Variants in LRBA observed in about 807,000 individuals in gnomAD.
LRBA encodes the protein LPS responsive beige-like anchor protein.
A neutral mutation model predicts 330.0 loss-of-function variants in LRBA; 176 were observed. The ratio of observed to expected loss-of-function variants is 0.53; its 90% CI spans 0.47 to 0.60. LRBA has a LOEUF of 0.60. LRBA is among the 20% of genes least tolerant of loss of function. The pLI, the probability that LRBA is intolerant of heterozygous loss-of-function variation, is 0.00. For missense variants in LRBA, 3,259 were observed against 3,444.8 expected (o/e 0.95, Z 1.35); for synonymous variants, 1,230 against 1,193.0 (o/e 1.03, Z -0.64).
At position 150,830,818 on chromosome 4, in the gene LRBA, T is replaced by C. The variant is rs576883613; in HGVS notation, c.4729+999A>G. 2.0e-5 allele frequency among the ~76,000 whole-genome samples: 3 copies of C among 150,660 alleles called. No individual in the cohort carries two copies. In the East Asian group the frequency reaches 5.8e-4, roughly 29 times the overall value. Reference sequence around the variant, plus strand: ...CACTCTGTCACCCAGGCTGGAGTTGTTGTGGTGGGATCTCTGCTCACTGCA... The same window carrying C: ...CACTCTGTCACCCAGGCTGGAGTTGCTGTGGTGGGATCTCTGCTCACTGCA... On this transcript the variant is annotated intron_variant, in intron 29 of 56. Coordinates refer to ENST00000651943, the MANE Select transcript of LRBA (RefSeq NM_001364905.1).
At chr4:150,602,549 TACTCTCAGTATA>T (rs1774226173) in intron 37 of LRBA, among the ~76,000 whole-genome samples, 2 of 152,250 alleles carry the variant, frequency 1.3e-5, no homozygotes, top group South Asian at 4.2e-4. Flanking sequence ...CAACAACACA[TACTCTCAGTATA>T]ACGCTCTACC....
intron 35 of LRBA, among the ~76,000 whole-genome samples, chr4:150,753,379 C>G (rs181613340): frequency 6.6e-6 from 1 of 152,144 alleles, no homozygotes; most frequent in South Asian, 2.1e-4. Context: ...AAGTGAATGA[C>G]GCTATTTTCA....
At chr4:150,306,271 GAGA>G (rs941615028) in intron 52 of LRBA, among the ~76,000 whole-genome samples, 3 of 151,870 alleles carry the variant, frequency 2.0e-5, no homozygotes, top group African/African-American at 7.3e-5. Flanking sequence ...AATCTAATAA[GAGA>G]AGGATTTTTT....
chr4:150,628,463 T>C (rs192257630), intron 37 of LRBA, among the ~76,000 whole-genome samples: 11 of 152,330 alleles, frequency 7.2e-5, no homozygotes, highest in Admixed American at 4.6e-4. Flanking sequence ...TCACGAATAA[T>C]GAGTTTTAAA....
intron 26 of LRBA, among the ~76,000 whole-genome samples, chr4:150,845,565 A>G (rs1413450620): frequency 1.3e-5 from 2 of 152,204 alleles, no homozygotes. Context: ...CACTCAAGGT[A>G]CTTGAACTGA....
At chr4:150,791,173 C>T (rs1739854327) in intron 34 of LRBA, among the ~76,000 whole-genome samples, 1 of 152,200 alleles carries the variant, frequency 6.6e-6, no homozygotes, top group Non-Finnish European at 1.5e-5. Flanking sequence ...AGGCTGGTCT[C>T]AAACTCCTGG....
chr4:150,526,426 A>C (rs1763482649), intron 40 of LRBA, among the ~76,000 whole-genome samples: 1 of 152,172 alleles, frequency 6.6e-6, no homozygotes, highest in Non-Finnish European at 1.5e-5. Context: ...GCTCATTTGC[A>C]GTTACAGATT....
At chr4:150,765,204 T>A (rs533843411) in intron 34 of LRBA, among the ~76,000 whole-genome samples, 1 of 152,030 alleles carries the variant, frequency 6.6e-6, no homozygotes, top group Non-Finnish European at 1.5e-5. Context: ...CTATATGACA[T>A]TTTGGAAAAG....
intron 37 of LRBA, among the ~76,000 whole-genome samples, chr4:150,672,142 T>C (rs1034218412): frequency 6.6e-6 from 1 of 152,178 alleles, no homozygotes; most frequent in African/African-American, 2.4e-5. Context: ...TTGACCATAT[T>C]AGGATAAAAT....
chr4:150,406,156 T>C (rs1189883003), intron 47 of LRBA, among the ~76,000 whole-genome samples: 1 of 151,992 alleles, frequency 6.6e-6, no homozygotes, highest in Non-Finnish European at 1.5e-5. Context: ...AGACCAGAAA[T>C]ATTATTTAAT....
chr4:150,667,846 T>C (rs1256916543), intron 37 of LRBA, among the ~76,000 whole-genome samples: 1 of 152,182 alleles, frequency 6.6e-6, no homozygotes, highest in Non-Finnish European at 1.5e-5. Flanking sequence ...GTTTGTACTT[T>C]AAGCCACTCA....
At chr4:150,959,764 T>C (rs1482547745) in intron 2 of LRBA, among the ~76,000 whole-genome samples, 1 of 145,410 alleles carries the variant, frequency 6.9e-6, no homozygotes, top group Non-Finnish European at 1.5e-5. Flanking sequence ...AGTGTAAATC[T>C]AATATACTTA....
At chr4:150,401,454 A>G (rs987741336) in intron 47 of LRBA, among the ~76,000 whole-genome samples, 1 of 152,198 alleles carries the variant, frequency 6.6e-6, no homozygotes, top group African/African-American at 2.4e-5. Flanking sequence ...TTAAAGTCCC[A>G]GTTTCCAAGA....
chr4:150,913,158 T>C (rs1416343083), intron 9 of LRBA, among the ~76,000 whole-genome samples: 1 of 152,204 alleles, frequency 6.6e-6, no homozygotes, highest in Non-Finnish European at 1.5e-5. Context: ...TCCTGGAGAA[T>C]GTTCTGTGTG....
chr4:150,711,577 G>A (rs983841651), intron 36 of LRBA, among the ~76,000 whole-genome samples: 3 of 152,124 alleles, frequency 2.0e-5, no homozygotes, highest in Middle Eastern at 3.2e-3. Flanking sequence ...TTCAAGAGTT[G>A]TATTTTTAAA....
At chr4:150,950,089 T>C (rs1736669016) in intron 2 of LRBA, among the ~76,000 whole-genome samples, 1 of 152,140 alleles carries the variant, frequency 6.6e-6, no homozygotes, top group Non-Finnish European at 1.5e-5. Flanking sequence ...GGCTAATAAA[T>C]CATCTAAACC....
chr4:150,964,736 T>C (rs1479318574), intron 2 of LRBA, among the ~76,000 whole-genome samples: 3 of 152,080 alleles, frequency 2.0e-5, no homozygotes, highest in Admixed American at 6.5e-5. Context: ...TTTGTTCACA[T>C]GTTTATCTGC....
chr4:150,541,569 T>A (rs929905534), intron 40 of LRBA, among the ~76,000 whole-genome samples: 1 of 150,178 alleles, frequency 6.7e-6, no homozygotes, highest in Non-Finnish European at 1.5e-5. Context: ...ATAGAATAAA[T>A]GATTTTTTAA....
intron 37 of LRBA, among the ~76,000 whole-genome samples, chr4:150,639,831 A>ATATG (rs1778457410): frequency 5.7e-5 from 1 of 17,646 alleles, no homozygotes; most frequent in Non-Finnish European, 1.6e-4. Flanking sequence ...ATATATATAT[A>ATATG]TATATATATA....
Sources: allele counts gnomAD v4.1 joint callset (sites outside exome capture counted in the v4.1 genomes callset), GRCh38; gene constraint gnomAD v4.1.1; transcripts MANE v1.5; gene names NCBI Gene and HGNC (gene_info 2026-07-23, HGNC 2026-07-21).